CALY: variants seen among roughly 807,000 people sequenced by gnomAD.
CALY encodes the protein calcyon neuron specific vesicular protein.
In CALY, 15 loss-of-function variants were observed where a neutral mutation model predicts 20.2. The ratio of observed to expected loss-of-function variants is 0.74; its 90% CI spans 0.50 to 1.14. The LOEUF is 1.14. Among genes scored for constraint, CALY ranks in the 50% most tolerant of loss-of-function variants. The probability of loss-of-function intolerance (pLI) is 0.00; values close to 1 mark genes in which losing one functional copy is unlikely to be tolerated. For missense variants in CALY, 270 were observed against 304.4 expected, an observed-to-expected ratio of 0.89 and a Z score of 0.84; for synonymous variants, 129 against 131.8, an observed-to-expected ratio of 0.98 and a Z score of 0.15.
At chr10:133,332,773 G>A (rs1848331478) in intron 1 of CALY, among the ~76,000 whole-genome samples, 1 of 152,162 alleles carries the variant, frequency 6.6e-6, no homozygotes. Context: ...CCCAAAACTG[G>A]TATCGTTATT....
chr10:133,327,579 C>T, intron 3 of CALY: 1 of 588,974 alleles, frequency 1.7e-6, no homozygotes, highest in South Asian at 2.1e-5. Flanking sequence ...GGAAGTATTA[C>T]ATAGAAAGCC....
intron 2 of CALY, among the ~76,000 whole-genome samples, 200 bp downstream of exon 2, chr10:133,328,655 G>T (rs1377183400): frequency 6.6e-6 from 1 of 152,216 alleles, no homozygotes; most frequent in Non-Finnish European, 1.5e-5. Flanking sequence ...CAGCCAGTTT[G>T]CCCAGCTCTG....
At chr10:133,330,033 A>C (rs1375998407) in intron 1 of CALY, among the ~76,000 whole-genome samples, 1 of 152,246 alleles carries the variant, frequency 6.6e-6, no homozygotes, top group Non-Finnish European at 1.5e-5. Context: ...GGCGGGCCCC[A>C]CTAACCCAGA....
intron 1 of CALY, among the ~76,000 whole-genome samples, chr10:133,334,704 G>C (rs1286295623): frequency 6.6e-6 from 1 of 151,952 alleles, no homozygotes; most frequent in Non-Finnish European, 1.5e-5. Context: ...GTGGGCGAGA[G>C]TGCGGCCGGT....
chr10:133,326,361 TG>T, intron 4 of CALY: 1 of 1,192,194 alleles, frequency 8.4e-7, no homozygotes, highest in Admixed American at 2.0e-5. Flanking sequence ...CCAGTGGACC[TG>T]CCCAGCGCAG....
At chr10:133,329,392 C>CTTCTTCTTCTTTTTTTT (rs549430070) in intron 1 of CALY, among the ~76,000 whole-genome samples, 25 of 137,450 alleles carry the variant, frequency 1.8e-4, no homozygotes, top group African/African-American at 4.6e-4. Context: ...TCTTCTTCTT[C>CTTCTTCTTCTTTTTTTT]TTTTTTTTTT....
chr10:133,330,833 C>T (rs1013137864), intron 1 of CALY, among the ~76,000 whole-genome samples: 25 of 151,642 alleles, frequency 1.6e-4, no homozygotes, highest in Non-Finnish European at 2.7e-4. Flanking sequence ...AACGTAGCCT[C>T]AGTCCCTAAC....
chr10:133,324,204 G>T lies in CALY; in HGVS notation c.*1391C>A, dbSNP rs1384789330. The T allele has an allele frequency of 5.4e-6, 2 of 371,636 alleles. No individual in the cohort carries two copies. Among genetic ancestry groups the T allele is most frequent in the Admixed American group, 3.1e-5 (1 of 32,396 alleles). 23.0% of individuals were successfully genotyped at this position (371,636 alleles called of 1,614,324 possible). A position where few individuals can be genotyped will look rare whatever the true frequency, so the allele number is the denominator to read the frequency against. On this transcript the variant is annotated 3_prime_UTR_variant, in exon 6 of 6. Transcript: ENST00000252939. ...CATCAGGGCCAATTCAGTTCTGCGT[G>T]TGCTTGTTCATCTGGCCAATGCCCT...
intron 4 of CALY, 117 bp downstream of exon 4, chr10:133,326,761 C>G (rs1256341826): frequency 3.0e-6 from 2 of 662,556 alleles, no homozygotes; most frequent in Non-Finnish European, 5.5e-6. Context: ...GTAACAGGAA[C>G]ATGGCTTTGG....
intron 1 of CALY, among the ~76,000 whole-genome samples, chr10:133,332,870 G>C (rs1848333596): frequency 6.6e-6 from 1 of 152,078 alleles, no homozygotes; most frequent in South Asian, 2.1e-4. Context: ...GGATTGCTTG[G>C]GCCACCAGAA....
intron 2 of CALY, 101 bp downstream of exon 2, chr10:133,328,754 A>T: frequency 7.8e-7 from 1 of 1,275,846 alleles, no homozygotes. Context: ...TGTTTGCTCT[A>T]CTGCACCTGG....
Position 133,325,883 on chromosome 10 carries a change from C to G in CALY, c.598G>C (p.Glu200Gln). The stretch of plus-strand genomic sequence containing the variant: ...GCCGCCTTCCGCGCCGCCTCCTTCT[C>G]CGCCTTGGCCGACGGCTTCCCGGGG... ...EPPGKPSAKA[E>Q]KEAARKAAGS... Residue 200 changes from glutamate (E) to glutamine (Q), a missense_variant, in exon 5 of 6, where the codon GAG (glutamate) becomes CAG (glutamine). Glu to Gln is a conservative substitution (Grantham distance 29, BLOSUM62 2). Coordinates refer to ENST00000252939, the MANE Select transcript of CALY (RefSeq NM_015722.4). The G allele has an allele frequency of 7.9e-7, 1 of 1,261,148 alleles. No homozygotes were observed. The highest frequency in any genetic ancestry group is 3.2e-5 in the East Asian group (1 of 31,670). The allele number at this position is 1,261,148 out of a possible 1,614,324, so 78.1% of individuals were successfully genotyped here.
intron 1 of CALY, among the ~76,000 whole-genome samples, chr10:133,335,069 C>T (rs1033711228): frequency 6.6e-6 from 1 of 152,094 alleles, no homozygotes; most frequent in Non-Finnish European, 1.5e-5. Flanking sequence ...GATACAGGAG[C>T]GATCGGTGGA....
chr10:133,336,413 G>A (rs1011884192), intron 1 of CALY, among the ~76,000 whole-genome samples: 5 of 134,232 alleles, frequency 3.7e-5, no homozygotes, highest in Non-Finnish European at 7.8e-5. Context: ...GCTCTGGTCC[G>A]ACGCCCCTTC....
At chr10:133,327,718 AG>A in intron 3 of CALY, 186 bp downstream of exon 3, 1 of 688,450 alleles carries the variant, frequency 1.5e-6, no homozygotes, top group Non-Finnish European at 2.7e-6. Context: ...CAGCCTCGGG[AG>A]GGGGCCTGGT....
chr10:133,325,806 C>A lies in CALY; in HGVS notation c.*21G>T, dbSNP rs968392171. ...CCCGCGGCGCGCACCTACCCCGGGC[C>A]GGGCTGCGGGGCTGGAGACGTCACT... On this transcript the variant is annotated 3_prime_UTR_variant, in exon 5 of 6. Coordinates refer to ENST00000252939, the MANE Select transcript of CALY (RefSeq NM_015722.4). The A allele has an allele frequency of 8.4e-7, 1 of 1,189,582 alleles. No homozygotes were observed. The highest frequency in any genetic ancestry group is 1.0e-6 in the Non-Finnish European group (1 of 957,570). 73.7% of individuals were successfully genotyped at this position (1,189,582 alleles called of 1,614,324 possible).
intron 3 of CALY, chr10:133,327,487 A>G (rs1339684888): frequency 3.6e-6 from 2 of 562,554 alleles, no homozygotes; most frequent in Non-Finnish European, 6.3e-6. Context: ...GTCCACTAAA[A>G]ATGACTAAAG....
At chr10:133,333,096 CTGTGGGTTCCAGG>C (rs1848337361) in intron 1 of CALY, among the ~76,000 whole-genome samples, 1 of 151,854 alleles carries the variant, frequency 6.6e-6, no homozygotes, top group Non-Finnish European at 1.5e-5. Flanking sequence ...CCAGGCTCCG[CTGTGGGTTCCAGG>C]TGTGGGTAGG....
rs988996128 is a variant in CALY, at chr10:133,325,801, C to G, written c.*26G>C. The G allele has an allele frequency of 1.7e-6, 2 of 1,181,562 alleles. No individual in the cohort carries two copies. The allele number at this position is 1,181,562 out of a possible 1,614,324, so 73.2% of individuals were successfully genotyped here. Reference sequence around the variant, plus strand: ...GGAGCCCCGCGGCGCGCACCTACCCCGGGCCGGGCTGCGGGGCTGGAGACG... The same window carrying G: ...GGAGCCCCGCGGCGCGCACCTACCCGGGGCCGGGCTGCGGGGCTGGAGACG... On this transcript the variant is annotated splice_region_variant and 3_prime_UTR_variant, in exon 5 of 6. Coordinates refer to ENST00000252939, the MANE Select transcript of CALY (RefSeq NM_015722.4).
Sources: gnomAD v4.1 joint callset for allele counts (sites outside exome capture counted in the v4.1 genomes callset) on GRCh38, gnomAD v4.1.1 for gene constraint, MANE v1.5 for transcripts, NCBI Gene and HGNC (gene_info 2026-07-23, HGNC 2026-07-21) for gene names.